The following ELF1 variants were observed in gnomAD, a reference collection of about 807,000 sequenced individuals.
ELF1 encodes the protein E74 like ETS transcription factor 1, also known as ETS-related transcription factor Elf-1.
Under a neutral mutation model 59.9 loss-of-function variants are expected in ELF1, and 24 were observed. The ratio of observed to expected loss-of-function variants is 0.40; its 90% CI spans 0.29 to 0.56. ELF1 has a LOEUF of 0.56. Ranked by LOEUF, ELF1 falls within the 20% of genes least tolerant of loss-of-function variation. ELF1 has a pLI of 0.44. For missense variants in ELF1, 627 were observed against 742.2 expected, an observed-to-expected ratio of 0.84 and a Z score of 1.80; for synonymous variants, 248 against 266.2, an observed-to-expected ratio of 0.93 and a Z score of 0.67.
chr13:40,991,561 G>C (rs1335341850), intron 1 of ELF1, among the ~76,000 whole-genome samples: 1 of 151,664 alleles, frequency 6.6e-6, no homozygotes, highest in Non-Finnish European at 1.5e-5. Context: ...ACAGGTGTGA[G>C]CCACCATGCC....
intron 3 of ELF1, among the ~76,000 whole-genome samples, chr13:40,953,521 A>C (rs1249992061): frequency 6.6e-6 from 1 of 152,226 alleles, no homozygotes; most frequent in Non-Finnish European, 1.5e-5. Flanking sequence ...AAGTCCAGAA[A>C]GAAGCCTCAG....
intron 1 of ELF1, among the ~76,000 whole-genome samples, chr13:40,984,750 G>A (rs559948769): frequency 1.3e-4 from 20 of 152,266 alleles, no homozygotes; most frequent in South Asian, 4.1e-4. Flanking sequence ...AAAAGATTAG[G>A]TTCCAGAAGG....
chr13:41,054,725 G>A (rs1877223067), intron 1 of ELF1, among the ~76,000 whole-genome samples: 2 of 152,112 alleles, frequency 1.3e-5, no homozygotes, highest in African/African-American at 2.4e-5. Context: ...ATTGGACTGC[G>A]GGAAGTCCTT....
chr13:40,975,212 T>C (rs548749548), intron 2 of ELF1, among the ~76,000 whole-genome samples: 5 of 152,214 alleles, frequency 3.3e-5, no homozygotes, highest in Non-Finnish European at 5.9e-5. Flanking sequence ...CATTAAACAC[T>C]ATCAACTCAT....
At position 40,942,832 on chromosome 13, in the gene ELF1, C is replaced by T. The variant is rs958399836; in HGVS notation, c.806+120G>A. On this transcript the variant is annotated intron_variant, in intron 7 of 8. Transcript: ENST00000239882. ...CCACCGCACCTGACTGAAAATGTAC[C>T]CTCTTATTATGTATTTGCATTACCA... The T allele has an allele frequency of 8.7e-5, 91 of 1,043,990 alleles. No individual in the cohort carries two copies. In the African/African-American group the frequency reaches 1.4e-3, roughly 16 times the overall value. The allele number at this position is 1,043,990 out of a possible 1,614,324, so 64.7% of individuals were successfully genotyped here.
intron 1 of ELF1, among the ~76,000 whole-genome samples, chr13:41,054,554 C>A (rs569436128): frequency 8.5e-5 from 13 of 152,334 alleles, no homozygotes; most frequent in Non-Finnish European, 1.6e-4. Flanking sequence ...GCAATAAAAT[C>A]TGTGCTTCAT....
At position 40,953,556 on chromosome 13, in the gene ELF1, T is replaced by C. The variant is rs1870998631; in HGVS notation, c.254-2120A>G. On this transcript the variant is annotated intron_variant, in intron 3 of 8. Transcript: ENST00000239882. ...GAAGGAATTAACTCTACCAATATCTTGATCTCAGACTTCTAGCTTCCAGAA... is the reference window on the plus strand; with the variant it reads ...GAAGGAATTAACTCTACCAATATCTCGATCTCAGACTTCTAGCTTCCAGAA... Among the ~76,000 whole-genome samples the C allele has an allele frequency of 2.0e-5, 3 of 152,224 alleles. No individual in the cohort carries two copies. The South Asian group carries it at 6.2e-4, about 31-fold the overall frequency.
At chr13:41,031,094 G>A (rs1876141804) in intron 1 of ELF1, among the ~76,000 whole-genome samples, 1 of 151,492 alleles carries the variant, frequency 6.6e-6, no homozygotes, top group Non-Finnish European at 1.5e-5. Context: ...AAGAGGTTGA[G>A]GCTGCAGTAA....
chr13:41,023,744 T>C (rs949599787), upstream of ELF1, among the ~76,000 whole-genome samples: 2 of 152,230 alleles, frequency 1.3e-5, no homozygotes, highest in African/African-American at 4.8e-5. Flanking sequence ...ACAGTCTATG[T>C]ATTTTCAGGG....
intron 1 of ELF1, among the ~76,000 whole-genome samples, chr13:41,025,263 C>T (rs1875846939): frequency 6.6e-6 from 1 of 152,140 alleles, no homozygotes; most frequent in African/African-American, 2.4e-5. Context: ...AAAGCACTTA[C>T]CTTATTTCCT....
At chr13:41,025,169 T>C (rs1308966289) in intron 1 of ELF1, among the ~76,000 whole-genome samples, 1 of 152,004 alleles carries the variant, frequency 6.6e-6, no homozygotes, top group Admixed American at 6.5e-5. Context: ...CCTCACTCCC[T>C]AGCCCCTGAC....
chr13:40,994,873 C>T (rs1593384959), intron 1 of ELF1, among the ~76,000 whole-genome samples: 2 of 152,178 alleles, frequency 1.3e-5, no homozygotes, highest in Non-Finnish European at 2.9e-5. Context: ...TTAGAAAAGA[C>T]ATGCCCTAGT....
At chr13:41,003,315 A>T (rs540243110) in intron 1 of ELF1, among the ~76,000 whole-genome samples, 62 of 152,308 alleles carry the variant, frequency 4.1e-4, no homozygotes, top group Middle Eastern at 3.4e-3. Context: ...AGTTTTAATA[A>T]ACAAAATAAC....
chr13:41,048,970 C>G (rs1430752798), intron 1 of ELF1, among the ~76,000 whole-genome samples: 4 of 152,106 alleles, frequency 2.6e-5, no homozygotes, highest in African/African-American at 9.7e-5. Context: ...AGTTAATGAC[C>G]TCCCAGGGCT....
At chr13:41,020,087 C>G (rs188015365), upstream of ELF1, among the ~76,000 whole-genome samples, 263 of 152,298 alleles carry the variant, frequency 1.7e-3, 2 homozygotes, top group Non-Finnish European at 2.5e-3. Flanking sequence ...AAATTTTCTA[C>G]ATGTATTTCA....
At chr13:40,960,039 C>T (rs148421681) in intron 2 of ELF1, among the ~76,000 whole-genome samples, 2 of 152,134 alleles carry the variant, frequency 1.3e-5, no homozygotes, top group African/African-American at 4.8e-5. Context: ...TAACATTTAA[C>T]CACATCTATT....
chr13:41,005,832 A>G (rs1874718969), intron 1 of ELF1, among the ~76,000 whole-genome samples: 1 of 152,204 alleles, frequency 6.6e-6, no homozygotes, highest in Admixed American at 6.5e-5. Context: ...TCAATCCTTA[A>G]GAATGAATTC....
rs55938711 is a variant in ELF1 at position 41,000,237 on chromosome 13, C to CTTTTTTTTTTTT, written c.-228-17967_-228-17956dup. Among the ~76,000 whole-genome samples, 3 of 54,722 alleles carry CTTTTTTTTTTTT rather than the reference C, an allele frequency of 5.5e-5. 1 individual carries two copies. Among genetic ancestry groups the CTTTTTTTTTTTT allele is most frequent in the African/African-American group, 2.3e-4 (3 of 12,968 alleles). 35.9% of individuals were successfully genotyped at this position (54,722 alleles called of 152,430 possible). A position where few individuals can be genotyped will look rare whatever the true frequency, so the allele number is the denominator to read the frequency against. On this transcript the variant is annotated intron_variant, in intron 1 of 8. Transcript: ENST00000239882. ...CCAAATGAGGCTGCATTGAACCTGG[C>CTTTTTTTTTTTT]TTTTTTTTTTTTTTTTTTTTTTTTT...
intron 1 of ELF1, chr13:40,993,314 ACTG>A: frequency 6.6e-7 from 1 of 1,515,526 alleles, no homozygotes; most frequent in Non-Finnish European, 9.1e-7. Context: ...TCATTTTGGG[ACTG>A]CTGCCTTTTT....
Sources: allele counts gnomAD v4.1 joint callset (sites outside exome capture counted in the v4.1 genomes callset), GRCh38; gene constraint gnomAD v4.1.1; transcripts MANE v1.5; gene names NCBI Gene and HGNC (gene_info 2026-07-23, HGNC 2026-07-21).